WDR93: variants seen among roughly 807,000 people sequenced by gnomAD.
The protein encoded by WDR93 is WD repeat-containing protein 93.
Under a neutral mutation model 82.9 loss-of-function variants are expected in WDR93, and 73 were observed. The ratio of observed to expected loss-of-function variants is 0.88; its 90% CI spans 0.73 to 1.07. The LOEUF is 1.07. WDR93 is among the 50% of genes least tolerant of loss of function. The pLI is 0.00. For missense variants in WDR93, 738 were observed against 826.0 expected, an observed-to-expected ratio of 0.89 and a Z score of 1.31; for synonymous variants, 283 against 300.1, an observed-to-expected ratio of 0.94 and a Z score of 0.59.
chr15:89,711,891 A>G, intron 4 of WDR93, 135 bp from the exon 5 acceptor site: 2 of 500,762 alleles, frequency 4.0e-6, no homozygotes, highest in Non-Finnish European at 6.9e-6. Flanking sequence ...GGAAGTATGA[A>G]GCAGTTTGAA....
intron 15 of WDR93, 79 bp downstream of exon 15, chr15:89,737,808 G>A (rs1967330147): frequency 6.3e-6 from 10 of 1,575,320 alleles, no homozygotes; most frequent in East Asian, 4.5e-5. Context: ...GAGCCCCTCC[G>A]ATCTCCTCCC....
chr15:89,702,477 A>G (rs1315028628), intron 2 of WDR93, among the ~76,000 whole-genome samples: 1 of 152,046 alleles, frequency 6.6e-6, no homozygotes, highest in Admixed American at 6.6e-5. Context: ...ACAGTGAAAT[A>G]CTATGAATTT....
chr15:89,723,782 T>C (rs1966621131), intron 8 of WDR93, among the ~76,000 whole-genome samples: 1 of 152,194 alleles, frequency 6.6e-6, no homozygotes, highest in Non-Finnish European at 1.5e-5. Flanking sequence ...TGGTGGTGGC[T>C]GTTTATGTGG....
chr15:89,728,069 C>T (rs1966808274), intron 9 of WDR93, among the ~76,000 whole-genome samples: 1 of 152,032 alleles, frequency 6.6e-6, no homozygotes, highest in Admixed American at 6.6e-5. Flanking sequence ...CAGAGATAGA[C>T]TCTGTCTCAA....
Position 89,710,144 on chromosome 15 carries a change from A to G in WDR93, c.562-1882A>G, listed in dbSNP as rs148746130. ...CACTGCACTCCAGCTTGGACGACAG[A>G]GTGAGACTCCGTCTCAAAACAAAAA... is the stretch of plus-strand genomic sequence containing the variant. On this transcript the variant is annotated intron_variant, in intron 4 of 16. Transcript: ENST00000268130. 7.9e-3 allele frequency among the ~76,000 whole-genome samples: 1,211 copies of G among 152,366 alleles called. 15 individuals carry two copies. The highest frequency in any genetic ancestry group is 0.027 in the African/African-American group (1,114 of 41,596).
chr15:89,715,443 T>G (rs1285276719), intron 6 of WDR93, among the ~76,000 whole-genome samples: 1 of 152,034 alleles, frequency 6.6e-6, no homozygotes, highest in Non-Finnish European at 1.5e-5. Context: ...TGCCTCAAAT[T>G]CCATTAAATT....
chr15:89,713,083 A>C (rs1966070979), intron 5 of WDR93, among the ~76,000 whole-genome samples: 1 of 149,588 alleles, frequency 6.7e-6, no homozygotes, highest in Non-Finnish European at 1.5e-5. Flanking sequence ...AGATCGTGCC[A>C]TTGCACTCCA....
At chr15:89,713,592 C>T (rs1966100619) in intron 5 of WDR93, among the ~76,000 whole-genome samples, 1 of 151,972 alleles carries the variant, frequency 6.6e-6, no homozygotes, top group Non-Finnish European at 1.5e-5. Context: ...CCCACCTCAG[C>T]CTGCCAAGTA....
intron 1 of WDR93, among the ~76,000 whole-genome samples, chr15:89,694,015 A>T (rs879755972): frequency 6.6e-6 from 1 of 152,204 alleles, no homozygotes; most frequent in Admixed American, 6.5e-5. Flanking sequence ...GTTTCCCAAT[A>T]GTGTGTATGA....
At chr15:89,710,499 G>A (rs1250833756) in intron 4 of WDR93, among the ~76,000 whole-genome samples, 1 of 152,100 alleles carries the variant, frequency 6.6e-6, no homozygotes, top group Non-Finnish European at 1.5e-5. Context: ...CCTTGACAGG[G>A]TGTTAGTTAC....
At chr15:89,693,132 T>G (rs1468883333) in intron 1 of WDR93, among the ~76,000 whole-genome samples, 1 of 152,232 alleles carries the variant, frequency 6.6e-6, no homozygotes, top group Non-Finnish European at 1.5e-5. Flanking sequence ...TTGTGTTGTC[T>G]CTAATTTGAA....
chr15:89,699,626 T>A (rs1408259751), intron 1 of WDR93, among the ~76,000 whole-genome samples: 2 of 49,274 alleles, frequency 4.1e-5, no homozygotes, highest in African/African-American at 1.9e-4. Flanking sequence ...ACCTCAGTTC[T>A]TCTCTTTTTT....
At position 89,740,930 on chromosome 15, in the gene WDR93, A is replaced by G. The variant is rs555632221; in HGVS notation, c.1962-2362A>G. ...CAAGGCGGGTGGATCACCTAAGGCC[A>G]GGCGTTCGAGACCAGGCTGGCCAAA... On this transcript the variant is annotated intron_variant, in intron 16 of 16. Transcript: ENST00000268130. 2.0e-5 allele frequency among the ~76,000 whole-genome samples: 3 copies of G among 152,190 alleles called. No homozygotes were observed. The East Asian group carries it at 5.8e-4, about 30-fold the overall frequency.
At position 89,738,236 on chromosome 15, in the gene WDR93, G is replaced by GTTT; in HGVS notation, c.1961_1961+1insTTT (p.Ser654_Tyr655insPhe). ...AGATGTGAGCGTTTCCTCCAGAAGA[G>GTTT]GTAAAGAGCTCTGTGTCTTCACCCC... On this transcript the variant is annotated inframe_insertion and splice_region_variant. Coordinates refer to ENST00000268130, the MANE Select transcript of WDR93 (RefSeq NM_020212.2). The GTTT allele has an allele frequency of 6.3e-7, 1 of 1,599,670 alleles. No individual in the cohort carries two copies. The highest frequency in any genetic ancestry group is 8.5e-7 in the Non-Finnish European group (1 of 1,173,134).
chr15:89,729,831 G>A (rs948124191), intron 11 of WDR93, 62 bp downstream of exon 11: 1 of 1,376,798 alleles, frequency 7.3e-7, no homozygotes, highest in African/African-American at 1.4e-5. Context: ...TCCTTCTCCA[G>A]CTTAGCTAAG....
chr15:89,736,263 T>C (rs993613341), intron 14 of WDR93, among the ~76,000 whole-genome samples: 1 of 151,998 alleles, frequency 6.6e-6, no homozygotes, highest in African/African-American at 2.4e-5. Flanking sequence ...CTTGCAGAGG[T>C]GATTCCCCAG....
rs200790990 is a variant in WDR93, at chr15:89,720,203, ATT to A, written c.796-1846_796-1845del. Among the ~76,000 whole-genome samples, 678 of 152,064 alleles carry A rather than the reference ATT, an allele frequency of 4.5e-3. 7 individuals carry two copies. The highest frequency in any genetic ancestry group is 0.016 in the African/African-American group (646 of 41,500). ...TATCTAAGTACTGCTTTAAAATTTG[ATT>A]TTTTTATTTTCATTCATTTCAAAGT... On this transcript the variant is annotated intron_variant, in intron 7 of 16. Transcript: ENST00000268130.
chr15:89,730,031 G>A (rs1034135875), intron 11 of WDR93, among the ~76,000 whole-genome samples: 1 of 152,182 alleles, frequency 6.6e-6, no homozygotes, highest in Non-Finnish European at 1.5e-5. Context: ...AAGGTAAAAA[G>A]AGAGTAAGCT....
chr15:89,716,897 A>T lies in WDR93; in HGVS notation c.757-14A>T. ...CAAACCTATTGTGAATTAATTTCTC[A>T]TTTTTCTTCTCAGAACTCCCTTGGT... On this transcript the variant is annotated splice_polypyrimidine_tract_variant and intron_variant, in intron 6 of 16. Coordinates refer to ENST00000268130, the MANE Select transcript of WDR93 (RefSeq NM_020212.2). 6.4e-7 allele frequency: 1 copy of T among 1,552,114 alleles called. No homozygotes were observed. The highest frequency in any genetic ancestry group is 2.3e-5 in the East Asian group (1 of 42,696).
Sources: allele counts gnomAD v4.1 joint callset (sites outside exome capture counted in the v4.1 genomes callset), GRCh38; gene constraint gnomAD v4.1.1; transcripts MANE v1.5; gene names NCBI Gene and HGNC (gene_info 2026-07-23, HGNC 2026-07-21).